Variants in PLCH1 observed in about 807,000 individuals in gnomAD.
The protein encoded by PLCH1 is 1-phosphatidylinositol 4,5-bisphosphate phosphodiesterase eta-1.
PLCH1 carries 60 observed loss-of-function variants against 126.7 expected under a neutral mutation model. The ratio of observed to expected loss-of-function variants is 0.47; its 90% CI spans 0.38 to 0.59. PLCH1 has a LOEUF of 0.59. PLCH1 is among the 20% of genes least tolerant of loss of function. The pLI is 0.00. For missense variants in PLCH1, 1,723 were observed against 2,040.0 expected (o/e 0.84, Z 2.99); for synonymous variants, 719 against 734.9 (o/e 0.98, Z 0.35).
rs546336949 is a variant in PLCH1, at chr3:155,580,961, T to C, written c.771+2511A>G. 5.9e-5 allele frequency among the ~76,000 whole-genome samples: 9 copies of C among 152,308 alleles called. No individual in the cohort carries two copies. In the East Asian group the frequency reaches 9.6e-4, roughly 16 times the overall value. On this transcript the variant is annotated intron_variant, in intron 6 of 22. Coordinates refer to ENST00000460012, the MANE Select transcript of PLCH1 (RefSeq NM_014996.4). ...AACTTAGCACAATACCTAGGAAATATAGTATCTATTCATACAAGGAAATGA... is the reference window on the plus strand; with the variant it reads ...AACTTAGCACAATACCTAGGAAATACAGTATCTATTCATACAAGGAAATGA...
intron 21 of PLCH1, among the ~76,000 whole-genome samples, chr3:155,473,602 G>A (rs59655181): frequency 0.011 from 1,661 of 151,702 alleles, 28 homozygotes; most frequent in African/African-American, 0.038. Flanking sequence ...AACCAAAAAA[G>A]AGCCCGCATC....
At chr3:155,622,687 G>C (rs1736674784) in intron 2 of PLCH1, among the ~76,000 whole-genome samples, 1 of 151,714 alleles carries the variant, frequency 6.6e-6, no homozygotes, top group East Asian at 1.9e-4. Flanking sequence ...TAATGGTAAA[G>C]GGATCAATGC....
At chr3:155,672,573 G>T (rs1743623669) in intron 2 of PLCH1, among the ~76,000 whole-genome samples, 1 of 152,138 alleles carries the variant, frequency 6.6e-6, no homozygotes, top group Admixed American at 6.5e-5. Flanking sequence ...TTGAGGAGGG[G>T]TTCTCTAACT....
At chr3:155,491,036 A>G (rs545171354) in intron 18 of PLCH1, among the ~76,000 whole-genome samples, 168 bp from the exon 19 acceptor site, 18 of 152,344 alleles carry the variant, frequency 1.2e-4, no homozygotes, top group African/African-American at 4.1e-4. Flanking sequence ...GATATATGAG[A>G]CAAGTATAAA....
chr3:155,523,043 C>T (rs972997613), intron 11 of PLCH1, among the ~76,000 whole-genome samples: 5 of 152,030 alleles, frequency 3.3e-5, no homozygotes, highest in Non-Finnish European at 5.9e-5. Context: ...GGCGCGATCT[C>T]GGCTCACTGC....
At chr3:155,607,004 A>C (rs1192652310) in intron 2 of PLCH1, among the ~76,000 whole-genome samples, 1 of 152,234 alleles carries the variant, frequency 6.6e-6, no homozygotes, top group Non-Finnish European at 1.5e-5. Flanking sequence ...TCTTTAAAGA[A>C]ATCTCCATGT....
chr3:155,465,626 G>T (rs940963980), intron 21 of PLCH1, among the ~76,000 whole-genome samples: 1 of 151,914 alleles, frequency 6.6e-6, no homozygotes, highest in Non-Finnish European at 1.5e-5. Context: ...ACTCTCTCTT[G>T]CATCTTATGT....
intron 1 of PLCH1, among the ~76,000 whole-genome samples, chr3:155,728,317 T>C (rs1276449148): frequency 6.6e-6 from 1 of 152,156 alleles, no homozygotes; most frequent in Non-Finnish European, 1.5e-5. Flanking sequence ...ACATATTAAC[T>C]CAGGGCCTGC....
At chr3:155,640,461 C>G (rs146411011) in intron 2 of PLCH1, among the ~76,000 whole-genome samples, 1 of 152,138 alleles carries the variant, frequency 6.6e-6, no homozygotes, top group Non-Finnish European at 1.5e-5. Flanking sequence ...GAGTGACCCA[C>G]GATGGGATAC....
chr3:155,730,815 C>G (rs992146449), intron 1 of PLCH1, among the ~76,000 whole-genome samples: 1 of 152,188 alleles, frequency 6.6e-6, no homozygotes, highest in African/African-American at 2.4e-5. Flanking sequence ...ACCCAGGTCA[C>G]CCATGCTTTA....
chr3:155,705,874 C>T (rs541258380), intron 1 of PLCH1, among the ~76,000 whole-genome samples: 1 of 152,194 alleles, frequency 6.6e-6, no homozygotes, highest in South Asian at 2.1e-4. Context: ...GAAGTGAGGT[C>T]GTTTAAAAAA....
intron 2 of PLCH1, among the ~76,000 whole-genome samples, chr3:155,629,917 C>A (rs1270497944): frequency 6.6e-6 from 1 of 152,198 alleles, no homozygotes; most frequent in Non-Finnish European, 1.5e-5. Flanking sequence ...ATGCCTTACT[C>A]CTTTTTTATA....
At chr3:155,689,029 A>G (rs1341014421) in intron 2 of PLCH1, among the ~76,000 whole-genome samples, 1 of 152,220 alleles carries the variant, frequency 6.6e-6, no homozygotes, top group Non-Finnish European at 1.5e-5. Flanking sequence ...TGCTGGCTTC[A>G]GGTCTCACCC....
chr3:155,639,848 C>G (rs761717155), intron 2 of PLCH1, among the ~76,000 whole-genome samples: 1 of 152,166 alleles, frequency 6.6e-6, no homozygotes, highest in Non-Finnish European at 1.5e-5. Flanking sequence ...GATATCCCCC[C>G]CTGCTGTTCT....
intron 21 of PLCH1, among the ~76,000 whole-genome samples, chr3:155,455,061 T>C (rs1712407227): frequency 1.3e-5 from 2 of 152,250 alleles, no homozygotes; most frequent in African/African-American, 4.8e-5. Flanking sequence ...TCTTTTCTCC[T>C]GAGAGATGAA....
intron 10 of PLCH1, among the ~76,000 whole-genome samples, chr3:155,533,934 G>A (rs1170851157): frequency 6.6e-6 from 1 of 152,216 alleles, no homozygotes; most frequent in Non-Finnish European, 1.5e-5. Context: ...TGAGGTTTGG[G>A]AACCTCTGCC....
intron 2 of PLCH1, among the ~76,000 whole-genome samples, chr3:155,676,578 C>A (rs537161059): frequency 1.3e-5 from 2 of 152,236 alleles, no homozygotes; most frequent in East Asian, 3.9e-4. Context: ...CACAGACACA[C>A]ACTCTCAGAA....
At chr3:155,557,437 T>C (rs754161332) in intron 8 of PLCH1, among the ~76,000 whole-genome samples, 1 of 152,148 alleles carries the variant, frequency 6.6e-6, no homozygotes, top group Non-Finnish European at 1.5e-5. Context: ...ACACGAGTCA[T>C]GAAAGAAGGC....
chr3:155,600,560 C>T (rs537199873), intron 2 of PLCH1, among the ~76,000 whole-genome samples: 81 of 151,808 alleles, frequency 5.3e-4, no homozygotes, highest in African/African-American at 1.9e-3. Flanking sequence ...GTTCACCATC[C>T]CTTTAATTCT....
Sources: allele counts gnomAD v4.1 joint callset (sites outside exome capture counted in the v4.1 genomes callset), GRCh38; gene constraint gnomAD v4.1.1; transcripts MANE v1.5; gene names NCBI Gene and HGNC (gene_info 2026-07-23, HGNC 2026-07-21).